The following MACF1 variants were observed in gnomAD, a reference collection of about 807,000 sequenced individuals.
The protein encoded by MACF1 is microtubule-actin cross-linking factor 1.
MACF1 carries 193 observed loss-of-function variants against 854.8 expected under a neutral mutation model. The observed-to-expected ratio is 0.23, with a 90% confidence interval of 0.20 to 0.25. The LOEUF (loss-of-function observed/expected upper bound fraction) is 0.25. MACF1 is among the 10% of genes least tolerant of loss of function. MACF1 has a pLI of 1.00. For missense variants in MACF1, 7,722 were observed against 8,929.1 expected (o/e 0.86, Z 5.45); for synonymous variants, 3,185 against 3,226.7 (o/e 0.99, Z 0.44).
At position 39,324,669 on chromosome 1, in the gene MACF1, A is replaced by G. The variant is rs1646575969; in HGVS notation, c.4413A>G (p.Thr1471=). ...AGGTTCTGTCAGAAGAGCTGACAAC[A>G]AAGAAAGAACAAGTCTCTGAAGCTA... The part of the protein sequence containing the change: ...EQQVLSEELT[T]KKEQVSEAIK... The change falls in exon 35 of 101, where the codon ACA becomes ACG. Residue 1471 remains threonine (T), a synonymous_variant. Coordinates refer to ENST00000564288, the MANE Select transcript of MACF1 (RefSeq NM_001394062.1). 1 of 1,613,538 alleles carries G rather than the reference A, an allele frequency of 6.2e-7. No homozygotes were observed. The highest frequency in any genetic ancestry group is 8.5e-7 in the Non-Finnish European group (1 of 1,179,632).
At chr1:39,098,611 C>T (rs775907808) in intron 2 of MACF1, among the ~76,000 whole-genome samples, 2 of 152,190 alleles carry the variant, frequency 1.3e-5, no homozygotes, top group Non-Finnish European at 2.9e-5. Context: ...CCAGGAAGCA[C>T]TGGAGATTAT....
rs766652091 is a variant in MACF1 at position 39,310,389 on chromosome 1, A to C, written c.3061A>C (p.Lys1021Gln). ...LRLEEEVEAC[K>Q]ARFQHLMKSM... ...CTTGGAAGAGGAGGTGGAAGCTTGT[A>C]AAGCCCGCTTCCAGCACCTGATGAA... Residue 1021 changes from lysine (K) to glutamine (Q), a missense_variant, in exon 25 of 101, where the codon AAA becomes CAA. Lys to Gln is a moderately conservative substitution (Grantham distance 53). Transcript: ENST00000564288. 3 of 1,614,168 alleles carry C rather than the reference A, an allele frequency of 1.9e-6. No individual in the cohort carries two copies. The highest frequency in any genetic ancestry group is 2.5e-6 in the Non-Finnish European group (3 of 1,180,014).
chr1:39,458,550 T>G (rs764280367), intron 90 of MACF1, 60 bp downstream of exon 90: 8 of 1,517,970 alleles, frequency 5.3e-6, no homozygotes, highest in Non-Finnish European at 7.1e-6. Flanking sequence ...GATGAGCACT[T>G]TCCAAATGCC....
At chr1:39,089,972 G>T (rs1641764627) in intron 2 of MACF1, among the ~76,000 whole-genome samples, 1 of 152,234 alleles carries the variant, frequency 6.6e-6, no homozygotes. Context: ...GCCAGATGAG[G>T]CAGTGGAGAC....
chr1:39,422,412 A>T lies in MACF1; in HGVS notation c.15855A>T (p.Lys5285Asn), dbSNP rs745641135. Residue 5285 changes from lysine (K) to asparagine (N), a missense_variant, in exon 59 of 101, where the codon AAA (lysine) becomes AAT (asparagine). Around this residue, in one of 15 missense-constraint regions of MACF1, gnomAD observed 2,807 missense variants for 3,235.8 expected, o/e 0.87. Transcript: ENST00000564288. Reference sequence around the variant, plus strand: ...AACAAGTGGATCCTCTTCAGATGAAATTGCAGCAGGTGAATGGACTTGGCC... The same window carrying T: ...AACAAGTGGATCCTCTTCAGATGAATTTGCAGCAGGTGAATGGACTTGGCC... ...QKEQVDPLQM[K>N]LQQVNGLGQG... 3 of 1,614,162 alleles carry T rather than the reference A, an allele frequency of 1.9e-6. No homozygotes were observed. In the South Asian group the frequency reaches 3.3e-5, roughly 18 times the overall value.
chr1:39,171,767 A>G (rs186549262), intron 2 of MACF1, among the ~76,000 whole-genome samples: 75 of 152,192 alleles, frequency 4.9e-4, no homozygotes, highest in African/African-American at 1.8e-3. Context: ...CTGGGACTAC[A>G]GGCACCCGCC....
At position 39,383,372 on chromosome 1, in the gene MACF1, G is replaced by T. The variant is rs557127567; in HGVS notation, c.13848+1220G>T. On this transcript the variant is annotated intron_variant, in intron 56 of 100. Transcript: ENST00000564288. Reference sequence around the variant, plus strand: ...TAATCCGGGATTTTCAAACTTTTTGGCTTCAAGAACCCCTTTTATTCTCTG... The same window carrying T: ...TAATCCGGGATTTTCAAACTTTTTGTCTTCAAGAACCCCTTTTATTCTCTG... Among the ~76,000 whole-genome samples, 5 of 152,028 alleles carry T rather than the reference G, an allele frequency of 3.3e-5. No homozygotes were observed. The South Asian group carries it at 1.0e-3, about 32-fold the overall frequency.
intron 2 of MACF1, among the ~76,000 whole-genome samples, chr1:39,165,834 TTC>T (rs1643876461): frequency 6.6e-6 from 1 of 152,232 alleles, no homozygotes; most frequent in South Asian, 2.1e-4. Flanking sequence ...CCTTTTGGAC[TTC>T]TTGGTTTGAA....
chr1:39,132,305 C>T (rs1348416672), intron 2 of MACF1, among the ~76,000 whole-genome samples: 2 of 152,168 alleles, frequency 1.3e-5, no homozygotes, highest in Non-Finnish European at 2.9e-5. Flanking sequence ...ATATTGGGGT[C>T]ACCTGTAGCT....
chr1:39,252,430 A>G (rs1645051156), intron 4 of MACF1, among the ~76,000 whole-genome samples: 1 of 151,200 alleles, frequency 6.6e-6, no homozygotes, highest in South Asian at 2.1e-4. Context: ...GCATGGAGAT[A>G]CTCTGGCTTT....
intron 1 of MACF1, among the ~76,000 whole-genome samples, chr1:39,224,083 A>G (rs779816960): frequency 1.3e-5 from 2 of 152,214 alleles, no homozygotes; most frequent in Non-Finnish European, 2.9e-5. Context: ...ATCATTGTAT[A>G]GGTCACAGCT....
chr1:39,407,156 A>G (rs1027510802), intron 58 of MACF1, among the ~76,000 whole-genome samples: 1 of 152,254 alleles, frequency 6.6e-6, no homozygotes, highest in Non-Finnish European at 1.5e-5. Context: ...CAGGGTCAGG[A>G]AAGTCACCAG....
chr1:39,305,214 T>C (rs1646144588), intron 23 of MACF1, among the ~76,000 whole-genome samples: 3 of 147,592 alleles, frequency 2.0e-5, no homozygotes, highest in South Asian at 4.3e-4. Context: ...TGAGCTGAGA[T>C]AGTGCCACTG....
At position 39,084,245 on chromosome 1, in the gene MACF1, C is replaced by T; in HGVS notation, c.27C>T (p.Leu9=). ...TGTCTTCCTCAGATGAAGAGACGCTCAGTGAGCGGTCATGTCGGAGTGAGC... is the reference window on the plus strand; with the variant it reads ...TGTCTTCCTCAGATGAAGAGACGCTTAGTGAGCGGTCATGTCGGAGTGAGC... The change falls in exon 2 of 94, where the codon CTC becomes CTT. Residue 9 remains leucine, a synonymous_variant. Coordinates refer to the MACF1 transcript ENST00000361689. This position sits in a 1 kb window ranked among gnomAD's most constrained non-coding sequence, Gnocchi z 5.2. 3 of 1,613,218 alleles carry T rather than the reference C, an allele frequency of 1.9e-6. No individual in the cohort carries two copies. The highest frequency in any genetic ancestry group is 2.5e-6 in the Non-Finnish European group (3 of 1,179,780).
Position 39,302,989 on chromosome 1 carries a change from G to T in MACF1, c.2700G>T (p.Val900=). 6.2e-7 allele frequency: 1 copy of T among 1,614,202 alleles called. No homozygotes were observed. The highest frequency in any genetic ancestry group is 1.1e-5 in the South Asian group (1 of 91,082). ...ATTCTCAGCGGACCAAATGGAAAGTGATCAGCCCCACAGGGAACGAGGCAA... is the reference window on the plus strand; with the variant it reads ...ATTCTCAGCGGACCAAATGGAAAGTTATCAGCCCCACAGGGAACGAGGCAA... ...EDNSQRTKWK[V]ISPTGNEAMV... is the part of the protein sequence containing the mutation. The change falls in exon 23 of 101, where the codon GTG becomes GTT. Residue 900 remains valine, a synonymous_variant. Coordinates refer to ENST00000564288, the MANE Select transcript of MACF1 (RefSeq NM_001394062.1).
At chr1:39,093,134 T>C (rs1411211135) in intron 2 of MACF1, among the ~76,000 whole-genome samples, 1 of 151,834 alleles carries the variant, frequency 6.6e-6, no homozygotes, top group African/African-American at 2.4e-5. Context: ...AGAAGACTTC[T>C]GTGACGCCAA....
chr1:39,193,278 A>AG (rs1411061883), intron 2 of MACF1, among the ~76,000 whole-genome samples: 79 of 152,154 alleles, frequency 5.2e-4, no homozygotes, highest in African/African-American at 1.9e-3. Flanking sequence ...CTAGATAGAT[A>AG]TTATTTCATT....
Position 39,442,524 on chromosome 1 carries a change from G to T in MACF1, c.19061G>T (p.Ser6354Ile), listed in dbSNP as rs370478712. 7 of 1,614,192 alleles carry T rather than the reference G, an allele frequency of 4.3e-6. No individual in the cohort carries two copies. In the South Asian group the frequency reaches 7.7e-5, roughly 18 times the overall value. Residue 6354 changes from serine (S) to isoleucine (I), a missense_variant, in exon 77 of 101, where the codon AGT becomes ATT. By Grantham distance (142) the Ser-to-Ile change is moderately radical. Coordinates refer to ENST00000564288, the MANE Select transcript of MACF1 (RefSeq NM_001394062.1). Reference protein sequence around the residue: ...EELLDAQRPISGDPKVIEVEL... With the variant: ...EELLDAQRPIIGDPKVIEVEL... ...TTGTTAGATGCTCAGAGACCAATAA[G>T]TGGAGACCCAAAAGTCATTGAAGTT...
chr1:39,322,588 C>T lies in MACF1; in HGVS notation c.4030-20C>T, dbSNP rs775096982. On this transcript the variant is annotated intron_variant, in intron 31 of 100. Coordinates refer to ENST00000564288, the MANE Select transcript of MACF1 (RefSeq NM_001394062.1). ...ATTATAAAACCCTGAGTAACTGTAG[C>T]GAAATTCATCCTTTCCTAGGACTAT... 29 of 1,577,812 alleles carry T rather than the reference C, an allele frequency of 1.8e-5. 1 individual carries two copies. The Admixed American group carries it at 2.5e-4, about 14-fold the overall frequency.
Sources: gnomAD v4.1 joint callset for allele counts (sites outside exome capture counted in the v4.1 genomes callset) on GRCh38, gnomAD v4.1.1 for gene constraint, gnomAD v4.1.1 regional missense constraint, Gnocchi (gnomAD v3.1) non-coding constraint, MANE v1.5 for transcripts, NCBI Gene and HGNC (gene_info 2026-07-23, HGNC 2026-07-21) for gene names.